Variants in PLXNB2 observed in about 807,000 individuals in gnomAD.
PLXNB2 encodes the protein plexin-B2.
A neutral mutation model predicts 202.6 loss-of-function variants in PLXNB2; 85 were observed. That is an observed-to-expected ratio of 0.42 (90% CI 0.35 to 0.50). The LOEUF is 0.50. PLXNB2 is among the 20% of genes least tolerant of loss of function. The pLI, the probability that PLXNB2 is intolerant of heterozygous loss-of-function variation, is 0.02. For missense variants in PLXNB2, 2,063 were observed against 2,586.2 expected (o/e 0.80, Z 4.39); for synonymous variants, 1,239 against 1,137.6 (o/e 1.09, Z -1.79).
At position 50,284,391 on chromosome 22, in the gene PLXNB2, C is replaced by T. The variant is rs1044064443; in HGVS notation, c.2182-178G>A. The T allele has an allele frequency of 5.4e-5, 40 of 734,120 alleles. No individual in the cohort carries two copies. In the Middle Eastern group the frequency reaches 1.0e-3, roughly 19 times the overall value. The allele number at this position is 734,120 out of a possible 1,614,324, so 45.5% of individuals were successfully genotyped here. The stretch of plus-strand genomic sequence containing the variant: ...TGGACGCTGCTCTGTGCCACTCTGT[C>T]CCCAGGGAGGCAGAGGGCAGAGGGG... On this transcript the variant is annotated intron_variant, in intron 12 of 36. Transcript: ENST00000359337. The surrounding 1 kb of genome is among the most constrained non-coding windows in gnomAD (Gnocchi z 8.0).
chr22:50,304,130 G>A (rs1002179160), intron 1 of PLXNB2, among the ~76,000 whole-genome samples: 6 of 152,254 alleles, frequency 3.9e-5, no homozygotes, highest in African/African-American at 7.2e-5. Flanking sequence ...GGGACTGTGC[G>A]AAACAGAACC....
In PLXNB2 at chr22:50,284,843, A is replaced by C; in HGVS notation, c.2089-178T>G. 2.7e-6 allele frequency: 2 copies of C among 728,656 alleles called. No individual in the cohort carries two copies. Among genetic ancestry groups the C allele is most frequent in the African/African-American group, 1.7e-5 (1 of 57,562 alleles). 45.1% of individuals were successfully genotyped at this position (728,656 alleles called of 1,614,324 possible). On this transcript the variant is annotated intron_variant, in intron 11 of 36. Coordinates refer to ENST00000359337, the MANE Select transcript of PLXNB2 (RefSeq NM_012401.4). The surrounding 1 kb of genome is among the most constrained non-coding windows in gnomAD (Gnocchi z 8.0). Reference sequence around the variant, plus strand: ...CCCTCGGCCACTCCTGAGCCCAAACACCTGTGTCTGCAGAAGCCTCTGAAC... The same window carrying C: ...CCCTCGGCCACTCCTGAGCCCAAACCCCTGTGTCTGCAGAAGCCTCTGAAC...
chr22:50,276,600 T>G (rs5771119), intron 35 of PLXNB2, 29 bp downstream of exon 35: 1 of 1,583,656 alleles, frequency 6.3e-7, no homozygotes, highest in Non-Finnish European at 8.7e-7. Context: ...CGGGGAGGGC[T>G]GTGGGTGCGT....
intron 1 of PLXNB2, among the ~76,000 whole-genome samples, chr22:50,304,380 T>C (rs1317787504): frequency 6.6e-6 from 1 of 152,146 alleles, no homozygotes; most frequent in Non-Finnish European, 1.5e-5. Flanking sequence ...CTTCACACGC[T>C]TGGTCTTCAG....
Position 50,276,849 on chromosome 22 carries a change from C to A in PLXNB2, c.5254G>T (p.Val1752Leu). The change falls in exon 34 of 37, where the codon GTG becomes TTG. Residue 1752 changes from valine (V) to leucine (L), a missense_variant. Coordinates refer to ENST00000359337, the MANE Select transcript of PLXNB2 (RefSeq NM_012401.4). The stretch of plus-strand genomic sequence containing the variant: ...GAGGGCAGGCAGACTTACTCCTCCA[C>A]CATCTTCTTGTAGGTGGAGATCTCC... ...AKEISTYKKM[V>L]EDYYKGIRQM... 1 of 1,607,580 alleles carries A rather than the reference C, an allele frequency of 6.2e-7. No homozygotes were observed. The highest frequency in any genetic ancestry group is 8.5e-7 in the Non-Finnish European group (1 of 1,176,702).
intron 1 of PLXNB2, among the ~76,000 whole-genome samples, chr22:50,306,956 G>GGGGCAGGGTCAGCAGGGGAC: frequency 6.6e-6 from 1 of 152,244 alleles, no homozygotes; most frequent in African/African-American, 2.4e-5. Context: ...AGGGTGCGGA[G>GGGGCAGGGTCAGCAGGGGAC]GGGCAGGGTC....
Position 50,289,148 on chromosome 22 carries a change from G to A in PLXNB2, c.1069-6C>T, listed in dbSNP as rs1038605362. The A allele has an allele frequency of 1.9e-6, 3 of 1,559,774 alleles. No individual in the cohort carries two copies. The highest frequency in any genetic ancestry group is 2.6e-6 in the Non-Finnish European group (3 of 1,153,574). On this transcript the variant is annotated splice_polypyrimidine_tract_variant and splice_region_variant and intron_variant, in intron 3 of 36. Transcript: ENST00000359337. The surrounding 1 kb of genome is among the most constrained non-coding windows in gnomAD (Gnocchi z 8.0). ...GGGAAGCTCTTGCTGGAGCCCTGCG[G>A]ACCACAGCGTGTCAATGGCAGGCAG... is the stretch of plus-strand genomic sequence containing the variant.
At chr22:50,280,714 G>GGCCCACC in intron 24 of PLXNB2, 30 bp downstream of exon 24, 11 of 1,528,890 alleles carry the variant, frequency 7.2e-6, no homozygotes, top group Non-Finnish European at 8.9e-6. Flanking sequence ...CCACCTGTGT[G>GGCCCACC]CCCTCCCGCC....
intron 1 of PLXNB2, among the ~76,000 whole-genome samples, chr22:50,296,225 C>CACACACACACAA (rs572197123): frequency 6.8e-6 from 1 of 146,808 alleles, no homozygotes; most frequent in African/African-American, 2.7e-5. Flanking sequence ...CACACACACA[C>CACACACACACAA]ACACAATAAA....
Position 50,283,043 on chromosome 22 carries a change from C to A in PLXNB2, c.2816+7G>T. 1 of 1,605,666 alleles carries A rather than the reference C, an allele frequency of 6.2e-7. No homozygotes were observed. Among genetic ancestry groups the A allele is most frequent in the South Asian group, 1.1e-5 (1 of 89,714 alleles). On this transcript the variant is annotated splice_region_variant and intron_variant, in intron 17 of 36. Transcript: ENST00000359337. Reference sequence around the variant, plus strand: ...AACCAGACTCAGCAGCTGGCGGTGACACCCACACTTTACACGGGACGCCGT... The same window carrying A: ...AACCAGACTCAGCAGCTGGCGGTGAAACCCACACTTTACACGGGACGCCGT...
At position 50,290,024 on chromosome 22, in the gene PLXNB2, C is replaced by A; in HGVS notation, c.561G>T (p.Leu187=). Residue 187 remains leucine, a synonymous_variant, in exon 3 of 37, where the codon CTG becomes CTT. Transcript: ENST00000359337. ...HDNGIIVSTR[L]LDRTDSREAF... ...CCTCCCTGCTGTCAGTCCGGTCCAACAGCCGAGTGCTCACGATGATGCCGT... is the reference window on the plus strand; with the variant it reads ...CCTCCCTGCTGTCAGTCCGGTCCAAAAGCCGAGTGCTCACGATGATGCCGT... 1 of 1,613,452 alleles carries A rather than the reference C, an allele frequency of 6.2e-7. No homozygotes were observed. Among genetic ancestry groups the A allele is most frequent in the Non-Finnish European group, 8.5e-7 (1 of 1,180,026 alleles).
Position 50,284,056 on chromosome 22 carries a change from G to A in PLXNB2, c.2264-66C>T, listed in dbSNP as rs969535108. On this transcript the variant is annotated intron_variant, in intron 13 of 36. Coordinates refer to ENST00000359337, the MANE Select transcript of PLXNB2 (RefSeq NM_012401.4). This position sits in a 1 kb window ranked among gnomAD's most constrained non-coding sequence, Gnocchi z 8.0. The stretch of plus-strand genomic sequence containing the variant: ...CCGCCCCCGACCTGCTCCCCACTGC[G>A]CCCACCTGTCCCCCCACCCACCGCC... 124 of 1,516,282 alleles carry A rather than the reference G, an allele frequency of 8.2e-5. 1 individual carries two copies. Among genetic ancestry groups the A allele is most frequent in the South Asian group, 1.1e-4 (9 of 82,792 alleles). 93.9% of individuals were successfully genotyped at this position (1,516,282 alleles called of 1,614,324 possible). A position where few individuals can be genotyped will look rare whatever the true frequency, so the allele number is the denominator to read the frequency against.
chr22:50,282,437 G>A (rs2066068372), intron 18 of PLXNB2, 124 bp from the exon 19 acceptor site: 1 of 1,078,746 alleles, frequency 9.3e-7, no homozygotes, highest in Admixed American at 2.7e-5. Context: ...GTGGGTCTCG[G>A]TGGGCAAAGG....
At position 50,290,179 on chromosome 22, in the gene PLXNB2, C is replaced by T; in HGVS notation, c.406G>A (p.Asp136Asn). Residue 136 changes from aspartate (D) to asparagine (N), a missense_variant, in exon 3 of 37, where the codon GAC becomes AAC. Physicochemically the swap from Asp to Asn is conservative, Grantham distance 23. Coordinates refer to ENST00000359337, the MANE Select transcript of PLXNB2 (RefSeq NM_012401.4). ...ACGAAAGACTTCTCCCCGCTGCCGT[C>T]CTCGTAGAACAGGCGGAGGGAGATG... ...SNISLRLFYE[D>N]GSGEKSFVAS... 2 of 1,612,764 alleles carry T rather than the reference C, an allele frequency of 1.2e-6. No individual in the cohort carries two copies. Among genetic ancestry groups the T allele is most frequent in the Non-Finnish European group, 1.7e-6 (2 of 1,179,996 alleles).
intron 30 of PLXNB2, 52 bp downstream of exon 30, chr22:50,278,383 C>T: frequency 6.4e-7 from 1 of 1,555,378 alleles, no homozygotes; most frequent in Non-Finnish European, 8.8e-7. Flanking sequence ...CAGACATGGT[C>T]CACGCTGACC....
Position 50,284,363 on chromosome 22 carries a change from C to A in PLXNB2, c.2182-150G>T. On this transcript the variant is annotated intron_variant, in intron 12 of 36. Coordinates refer to ENST00000359337, the MANE Select transcript of PLXNB2 (RefSeq NM_012401.4). The surrounding 1 kb of genome is among the most constrained non-coding windows in gnomAD (Gnocchi z 8.0). ...TTCAGGTGTCGGAAGTTCGGGAACC[C>A]CATGGACGCTGCTCTGTGCCACTCT... The A allele has an allele frequency of 2.5e-6, 2 of 786,860 alleles. No individual in the cohort carries two copies. The highest frequency in any genetic ancestry group is 2.6e-5 in the East Asian group (1 of 38,882). 48.7% of individuals were successfully genotyped at this position (786,860 alleles called of 1,614,324 possible).
chr22:50,296,464 G>A (rs1367360278), intron 1 of PLXNB2, among the ~76,000 whole-genome samples: 1 of 151,344 alleles, frequency 6.6e-6, no homozygotes, highest in Admixed American at 6.6e-5. Context: ...AGCTGAGCCA[G>A]GCACGGTGGC....
intron 1 of PLXNB2, 83 bp from the exon 2 acceptor site, chr22:50,294,861 G>A (rs2067144331): frequency 1.4e-6 from 1 of 702,300 alleles, no homozygotes; most frequent in Admixed American, 6.3e-5. Context: ...TGCTGGTGGG[G>A]CTTGGGGGAA....
At chr22:50,303,673 T>C (rs1645777071) in intron 1 of PLXNB2, among the ~76,000 whole-genome samples, 1 of 152,162 alleles carries the variant, frequency 6.6e-6, no homozygotes, top group South Asian at 2.1e-4. Context: ...CAGAAATCGG[T>C]GCTGGACACT....
Sources: allele counts gnomAD v4.1 joint callset (sites outside exome capture counted in the v4.1 genomes callset), GRCh38; gene constraint gnomAD v4.1.1; non-coding constraint Gnocchi (gnomAD v3.1); transcripts MANE v1.5; gene names NCBI Gene and HGNC (gene_info 2026-07-23, HGNC 2026-07-21).